TP53BP1: variants seen among roughly 807,000 people sequenced by gnomAD.
TP53BP1 encodes the protein tumor protein p53 binding protein 1, also known as TP53-binding protein 1.
TP53BP1 carries 61 observed loss-of-function variants against 200.8 expected under a neutral mutation model. The observed-to-expected ratio is 0.30, with a 90% CI of 0.25 to 0.38. TP53BP1 has a LOEUF of 0.38. TP53BP1 is among the 10% of genes least tolerant of loss of function. The pLI is 1.00. For missense variants in TP53BP1, 2,144 were observed against 2,371.9 expected, an observed-to-expected ratio of 0.90 and a Z score of 2.00; for synonymous variants, 822 against 844.3, an observed-to-expected ratio of 0.97 and a Z score of 0.46.
rs756196814 is a variant in TP53BP1 at position 43,422,141 on chromosome 15, T to C, written c.3829-15A>G. ...TCTTCAGTCTCCTGCAAGGAAAAAA[T>C]AGATACAGAAGATAAAAGATGCCAT... On this transcript the variant is annotated splice_polypyrimidine_tract_variant and intron_variant, in intron 18 of 27. Transcript: ENST00000382044. 7.5e-6 allele frequency: 12 copies of C among 1,610,514 alleles called. No individual in the cohort carries two copies. Among genetic ancestry groups the C allele is most frequent in the Admixed American group, 3.4e-5 (2 of 59,268 alleles).
At chr15:43,435,267 CAAAAAAAA>C (rs377275791) in intron 16 of TP53BP1, among the ~76,000 whole-genome samples, 2 of 55,698 alleles carry the variant, frequency 3.6e-5, no homozygotes, top group African/African-American at 8.5e-5. Context: ...GACCCCATCT[CAAAAAAAA>C]AAAAAAAAAA....
Position 43,403,843 on chromosome 15 carries a change from G to A in TP53BP1, c.*3540C>T, listed in dbSNP as rs770088150. On this transcript the variant is annotated 3_prime_UTR_variant, in exon 28 of 28. Transcript: ENST00000382044. ...ATGCAGCCTTGCCGAAAGGACAGAG[G>A]TGGTTTTGCCAATGGAGAATTCATG... 2 of 1,470,392 alleles carry A rather than the reference G, an allele frequency of 1.4e-6. No homozygotes were observed. The highest frequency in any genetic ancestry group is 4.5e-5 in the East Asian group (2 of 44,226). 91.1% of individuals were successfully genotyped at this position (1,470,392 alleles called of 1,614,324 possible).
intron 10 of TP53BP1, among the ~76,000 whole-genome samples, chr15:43,473,871 T>C (rs2264049): frequency 0.26 from 39,718 of 152,214 alleles, 8,323 homozygotes; most frequent in African/African-American, 0.58. Context: ...GCCGTGCTCC[T>C]GCACTCCTCA....
chr15:43,439,639 T>C (rs1021341695), intron 15 of TP53BP1, among the ~76,000 whole-genome samples: 1 of 152,200 alleles, frequency 6.6e-6, no homozygotes, highest in African/African-American at 2.4e-5. Context: ...GTGAACACAA[T>C]AGCAAACAAG....
rs1459511753 is a variant in TP53BP1, at chr15:43,432,732, C to A, written c.3192-55G>T. ...TCAATTAAGCAAGTGTATGTGTGAA[C>A]GTGTGTGTGTGCGTGTGCATGTGTG... On this transcript the variant is annotated intron_variant, in intron 16 of 27. Coordinates refer to ENST00000382044, the MANE Select transcript of TP53BP1 (RefSeq NM_001141980.3). The A allele has an allele frequency of 1.9e-6, 3 of 1,539,950 alleles. No homozygotes were observed. In the African/African-American group the frequency reaches 4.1e-5, roughly 21 times the overall value.
At chr15:43,493,370 A>T (rs2079156834), upstream of TP53BP1, among the ~76,000 whole-genome samples, 1 of 151,986 alleles carries the variant, frequency 6.6e-6, no homozygotes, top group Admixed American at 6.5e-5. Flanking sequence ...AACCGAAGGG[A>T]CCTTGAGAGG....
chr15:43,425,273 ACTGT>A (rs1420167003), intron 18 of TP53BP1, among the ~76,000 whole-genome samples: 2 of 152,126 alleles, frequency 1.3e-5, no homozygotes, highest in Non-Finnish European at 2.9e-5. Flanking sequence ...CCTCCATCAA[ACTGT>A]CTAAGAGGCC....
At chr15:43,475,469 A>G (rs2078866401) in intron 9 of TP53BP1, 96 bp downstream of exon 9, 4 of 1,437,402 alleles carry the variant, frequency 2.8e-6, no homozygotes, top group Non-Finnish European at 2.8e-6. Flanking sequence ...TTCAAAAAGA[A>G]TTCTAGACTA....
At chr15:43,436,810 G>A (rs1300930378) in intron 16 of TP53BP1, among the ~76,000 whole-genome samples, 2 of 151,904 alleles carry the variant, frequency 1.3e-5, no homozygotes, top group African/African-American at 2.4e-5. Context: ...TAGAGATAAA[G>A]GCCTGTAACT....
At chr15:43,455,720 CAAA>C (rs774205426) in intron 12 of TP53BP1, among the ~76,000 whole-genome samples, 169 bp downstream of exon 12, 2 of 128,052 alleles carry the variant, frequency 1.6e-5, no homozygotes, top group Admixed American at 8.0e-5. Context: ...GACTCTGTCT[CAAA>C]AAAAAAAAAA....
At chr15:43,473,562 CAG>C (rs1211569549) in intron 10 of TP53BP1, among the ~76,000 whole-genome samples, 4 of 152,168 alleles carry the variant, frequency 2.6e-5, no homozygotes, top group African/African-American at 9.7e-5. Flanking sequence ...GAGCTAGAAA[CAG>C]AGTGCCGATT....
At position 43,479,442 on chromosome 15, in the gene TP53BP1, C is replaced by T. The variant is rs147151977; in HGVS notation, c.743G>A (p.Ser248Asn). ...CTCTTTTACAACATGTACATCCTTA[C>T]TGGGCTGTGCTGTCACAGGGATGTC... ...SKDIPVTAQP[S>N]KDVHVVKEQN... Residue 248 changes from serine to asparagine, a missense_variant, in exon 7 of 28, where the codon AGT (serine) becomes AAT (asparagine). By Grantham distance (46) the Ser-to-Asn change is conservative. This residue lies in a region of TP53BP1 where 1,700 missense variants were observed against 1,710.3 expected (regional missense o/e 0.99). Coordinates refer to ENST00000382044, the MANE Select transcript of TP53BP1 (RefSeq NM_001141980.3). 8.1e-5 allele frequency: 131 copies of T among 1,613,350 alleles called. No individual in the cohort carries two copies. The highest frequency in any genetic ancestry group is 1.1e-4 in the Non-Finnish European group (126 of 1,179,766).
intron 17 of TP53BP1, among the ~76,000 whole-genome samples, chr15:43,428,767 G>C (rs2045607266): frequency 6.6e-6 from 1 of 152,032 alleles, no homozygotes; most frequent in Non-Finnish European, 1.5e-5. Flanking sequence ...GTCCAGAAAT[G>C]GAAAAATTAG....
chr15:43,462,838 C>G (rs2046472924), intron 11 of TP53BP1, among the ~76,000 whole-genome samples: 1 of 152,048 alleles, frequency 6.6e-6, no homozygotes, highest in African/African-American at 2.4e-5. Flanking sequence ...AGGCAGATCA[C>G]TTAAGGTCAG....
intron 24 of TP53BP1, among the ~76,000 whole-genome samples, chr15:43,411,993 A>G (rs1400716540): frequency 6.6e-6 from 1 of 152,140 alleles, no homozygotes; most frequent in Non-Finnish European, 1.5e-5. Flanking sequence ...AGAATCCTCA[A>G]AAGACTCCCA....
chr15:43,422,354 C>T (rs185440319), intron 18 of TP53BP1, among the ~76,000 whole-genome samples: 15 of 150,928 alleles, frequency 9.9e-5, no homozygotes, highest in Admixed American at 7.9e-4. Context: ...TTTTTTTTCT[C>T]CCCCAGGTGA....
chr15:43,441,602 A>T lies in TP53BP1; in HGVS notation c.3041-19T>A. The T allele has an allele frequency of 6.4e-7, 1 of 1,572,756 alleles. No homozygotes were observed. Among genetic ancestry groups the T allele is most frequent in the Non-Finnish European group, 8.8e-7 (1 of 1,142,636 alleles). On this transcript the variant is annotated intron_variant, in intron 14 of 27. Transcript: ENST00000382044. ...GCAGGCTCTGAATAAAAACAAAACC[A>T]AGGAGAGAAAGGAAAGAGAAACAGA... is the stretch of plus-strand genomic sequence containing the variant.
At chr15:43,472,851 T>C (rs774489660) in intron 10 of TP53BP1, among the ~76,000 whole-genome samples, 1 of 152,216 alleles carries the variant, frequency 6.6e-6, no homozygotes, top group Non-Finnish European at 1.5e-5. Flanking sequence ...TGGGGGATGG[T>C]GTGTCCAGAA....
chr15:43,492,120 C>T, intron 2 of TP53BP1, 25 bp from the exon 3 acceptor site: 1 of 1,568,450 alleles, frequency 6.4e-7, no homozygotes, highest in Non-Finnish European at 8.8e-7. Flanking sequence ...TACAAAATAT[C>T]CCCATTATAT....
Sources: gnomAD v4.1 joint callset for allele counts (sites outside exome capture counted in the v4.1 genomes callset) on GRCh38, gnomAD v4.1.1 for gene constraint, gnomAD v4.1.1 regional missense constraint, MANE v1.5 for transcripts, NCBI Gene and HGNC (gene_info 2026-07-23, HGNC 2026-07-21) for gene names.